Variants in TCERG1L observed in about 807,000 individuals in gnomAD.
TCERG1L encodes the protein transcription elongation regulator 1-like protein.
Under a neutral mutation model 56.3 loss-of-function variants are expected in TCERG1L, and 37 were observed. The observed-to-expected ratio is 0.66, with a 90% CI of 0.51 to 0.87. The LOEUF (loss-of-function observed/expected upper bound fraction) is 0.87. Among genes scored for constraint, TCERG1L ranks in the 40% least tolerant of loss-of-function variants. The pLI is 0.00. For missense variants in TCERG1L, 799 were observed against 774.2 expected, an observed-to-expected ratio of 1.03 and a Z score of -0.38; for synonymous variants, 324 against 326.3, an observed-to-expected ratio of 0.99 and a Z score of 0.08.
At chr10:131,291,396 C>CCT (rs1167056441) in intron 3 of TCERG1L, among the ~76,000 whole-genome samples, 2 of 67,698 alleles carry the variant, frequency 3.0e-5, no homozygotes, top group African/African-American at 5.6e-5. Flanking sequence ...CCATAAACAG[C>CCT]ATTTCTTTTT....
At chr10:131,234,892 A>C (rs7085046) in intron 4 of TCERG1L, among the ~76,000 whole-genome samples, 68,617 of 151,972 alleles carry the variant, frequency 0.45, 15,816 homozygotes, top group African/African-American at 0.55. Flanking sequence ...TTAGTAGAGA[A>C]AGGGTTTCAT....
chr10:131,244,688 G>T (rs1044068355), intron 4 of TCERG1L, among the ~76,000 whole-genome samples: 4 of 152,118 alleles, frequency 2.6e-5, no homozygotes, highest in African/African-American at 9.7e-5. Context: ...GGTTAGGATG[G>T]CCAATTGGGG....
At chr10:131,136,795 C>T (rs1426064671) in intron 7 of TCERG1L, among the ~76,000 whole-genome samples, 1 of 151,930 alleles carries the variant, frequency 6.6e-6, no homozygotes, top group Non-Finnish European at 1.5e-5. Context: ...CATGCCGGGC[C>T]ACCTCCAGGC....
chr10:131,206,084 G>A (rs1845522065), intron 4 of TCERG1L, among the ~76,000 whole-genome samples: 1 of 152,266 alleles, frequency 6.6e-6, no homozygotes, highest in Non-Finnish European at 1.5e-5. Context: ...CAGACACGAA[G>A]CCCTCAGGAT....
At chr10:131,096,841 G>A (rs1254408641) in intron 11 of TCERG1L, among the ~76,000 whole-genome samples, 3 of 149,366 alleles carry the variant, frequency 2.0e-5, no homozygotes, top group Non-Finnish European at 2.9e-5. Context: ...AGCCGAGATT[G>A]CATCATTGCA....
rs981536812 is a variant in TCERG1L, at chr10:131,112,618, C to T, written c.1395+4181G>A. Among the ~76,000 whole-genome samples, 4 of 142,216 alleles carry T rather than the reference C, an allele frequency of 2.8e-5. 1 individual carries two copies. The highest frequency in any genetic ancestry group is 6.3e-5 in the Non-Finnish European group (4 of 63,212). 93.3% of individuals were successfully genotyped at this position (142,216 alleles called of 152,430 possible). ...CTCCAGAGTCCCCGACCGTCAAAAACGCGGCAGCCCAGGGTGGAATGACCG... is the reference window on the plus strand; with the variant it reads ...CTCCAGAGTCCCCGACCGTCAAAAATGCGGCAGCCCAGGGTGGAATGACCG... On this transcript the variant is annotated intron_variant, in intron 9 of 11. Transcript: ENST00000368642.
rs551956193 is a variant in TCERG1L at position 131,193,495 on chromosome 10, T to C, written c.857-26610A>G. ...AGTTTCATGTGTTATGTTTAAGTCT[T>C]TTATCCTTCTTGAGCTGACTTTTGT... On this transcript the variant is annotated intron_variant, in intron 4 of 11. Transcript: ENST00000368642. 3.4e-4 allele frequency among the ~76,000 whole-genome samples: 52 copies of C among 152,342 alleles called. 1 individual carries two copies. Among genetic ancestry groups the C allele is most frequent in the African/African-American group, 1.2e-3 (51 of 41,578 alleles).
chr10:131,120,822 G>A (rs923438417), intron 8 of TCERG1L, among the ~76,000 whole-genome samples: 1 of 152,174 alleles, frequency 6.6e-6, no homozygotes, highest in South Asian at 2.1e-4. Context: ...CTCTCGGAGC[G>A]ACCCCTCCTG....
At chr10:131,176,731 CAA>C (rs1039418033) in intron 4 of TCERG1L, among the ~76,000 whole-genome samples, 3 of 134,632 alleles carry the variant, frequency 2.2e-5, no homozygotes, top group African/African-American at 8.1e-5. Context: ...TAGGCACATA[CAA>C]AGAGGCACGT....
At chr10:131,177,801 C>A (rs1302112396) in intron 4 of TCERG1L, among the ~76,000 whole-genome samples, 2 of 151,536 alleles carry the variant, frequency 1.3e-5, no homozygotes, top group African/African-American at 4.8e-5. Flanking sequence ...GCACGTGACT[C>A]TGGATCGATG....
At chr10:131,140,266 G>A (rs934143840) in intron 7 of TCERG1L, among the ~76,000 whole-genome samples, 6 of 152,114 alleles carry the variant, frequency 3.9e-5, no homozygotes, top group African/African-American at 1.2e-4. Flanking sequence ...TCTCACCTCC[G>A]GTGCAGGTGA....
At chr10:131,270,350 C>T (rs770925172) in intron 3 of TCERG1L, among the ~76,000 whole-genome samples, 50 of 152,122 alleles carry the variant, frequency 3.3e-4, no homozygotes, top group Non-Finnish European at 5.4e-4. Context: ...ACTGCATGGA[C>T]GGATAAATAC....
chr10:131,238,386 C>T (rs982278283), intron 4 of TCERG1L, among the ~76,000 whole-genome samples: 3 of 152,274 alleles, frequency 2.0e-5, no homozygotes, highest in East Asian at 1.9e-4. Flanking sequence ...GGGTGTAACA[C>T]GCAGGGCGGG....
At chr10:131,197,067 G>C (rs1190217077) in intron 4 of TCERG1L, among the ~76,000 whole-genome samples, 1 of 152,124 alleles carries the variant, frequency 6.6e-6, no homozygotes, top group East Asian at 1.9e-4. Context: ...TCCTCTACAA[G>C]ACACTCCCTG....
chr10:131,301,646 C>T (rs1400819438), intron 3 of TCERG1L, among the ~76,000 whole-genome samples: 2 of 151,714 alleles, frequency 1.3e-5, no homozygotes, highest in Non-Finnish European at 2.9e-5. Flanking sequence ...AACGTAACCT[C>T]GTCTGCTTTT....
intron 6 of TCERG1L, among the ~76,000 whole-genome samples, chr10:131,159,180 T>A (rs1015496665): frequency 2.0e-5 from 3 of 152,156 alleles, no homozygotes; most frequent in African/African-American, 7.2e-5. Context: ...CTCCTTTCTG[T>A]CAGCTCAGGG....
chr10:131,298,810 C>G (rs1372295082), intron 3 of TCERG1L, among the ~76,000 whole-genome samples: 1 of 152,198 alleles, frequency 6.6e-6, no homozygotes, highest in Non-Finnish European at 1.5e-5. Context: ...TGCCCTGTTA[C>G]TGTAAAGTAG....
chr10:131,207,349 G>A (rs981716534), intron 4 of TCERG1L, among the ~76,000 whole-genome samples: 4 of 152,224 alleles, frequency 2.6e-5, no homozygotes, highest in African/African-American at 7.2e-5. Flanking sequence ...GTGGACAGGC[G>A]TCTTGCTGCC....
rs545871315 is a variant in TCERG1L, at chr10:131,264,065, G to C, written c.671-3621C>G. ...TGGGACGGAGGGAGGGCTGAAACAC[G>C]CAAAGCCCCTCAGCCACTGATAACA... is the stretch of plus-strand genomic sequence containing the variant. On this transcript the variant is annotated intron_variant, in intron 3 of 11. Coordinates refer to ENST00000368642, the MANE Select transcript of TCERG1L (RefSeq NM_174937.4). 2.0e-5 allele frequency among the ~76,000 whole-genome samples: 3 copies of C among 151,482 alleles called. No homozygotes were observed. The East Asian group carries it at 5.9e-4, about 30-fold the overall frequency.
Sources: allele counts gnomAD v4.1 joint callset (sites outside exome capture counted in the v4.1 genomes callset), GRCh38; gene constraint gnomAD v4.1.1; transcripts MANE v1.5; gene names NCBI Gene and HGNC (gene_info 2026-07-23, HGNC 2026-07-21).